Variants in TACC2 observed in about 807,000 individuals in gnomAD.
TACC2 encodes transforming acidic coiled-coil containing protein 2, also known as transforming acidic coiled-coil-containing protein 2.
Under a neutral mutation model 227.3 loss-of-function variants are expected in TACC2, and 137 were observed. The observed-to-expected ratio is 0.60, with a 90% confidence interval of 0.52 to 0.69. The LOEUF is 0.69. Ranked by LOEUF, TACC2 falls within the 30% of genes least tolerant of loss-of-function variation. The probability of loss-of-function intolerance (pLI) is 0.00; values close to 1 mark genes in which losing one functional copy is unlikely to be tolerated. For missense variants in TACC2, 3,470 were observed against 3,694.4 expected (o/e 0.94, Z 1.57); for synonymous variants, 1,523 against 1,487.5 (o/e 1.02, Z -0.55).
At chr10:122,143,762 G>T (rs1306437556) in intron 7 of TACC2, 56 bp downstream of exon 7, 4 of 1,584,150 alleles carry the variant, frequency 2.5e-6, no homozygotes, top group African/African-American at 1.3e-5. Flanking sequence ...GGGCCTGGTG[G>T]TCTCTGCCCC....
chr10:122,101,633 C>T (rs998268326), intron 5 of TACC2, among the ~76,000 whole-genome samples: 2 of 133,860 alleles, frequency 1.5e-5, no homozygotes, highest in Non-Finnish European at 3.2e-5. Flanking sequence ...GATCTCGGCT[C>T]ACTGCAAGCT....
rs1291367775 is a variant in TACC2, at chr10:122,087,941, A to ACC, written c.5441_5442insCC (p.Glu1814AspfsTer67). On this transcript the variant is annotated frameshift_variant, in exon 4 of 23. Transcript: ENST00000369005. LOFTEE classifies it high-confidence loss of function. ...CCGAAGCTGCAACATTTGGCTCCAG[A>ACC]AGAGCTCCACACTGACAGGTACTTA... The ACC allele has an allele frequency of 4.6e-6, 7 of 1,508,804 alleles. No homozygotes were observed. Among genetic ancestry groups the ACC allele is most frequent in the Admixed American group, 4.6e-5 (2 of 43,430 alleles). 93.5% of individuals were successfully genotyped at this position (1,508,804 alleles called of 1,614,324 possible).
chr10:122,054,252 TCAACCATCCAGAGTCTGGG>T (rs2076004310), intron 3 of TACC2, among the ~76,000 whole-genome samples: 1 of 152,244 alleles, frequency 6.6e-6, no homozygotes, highest in Non-Finnish European at 1.5e-5. Context: ...CCAGCGTAGT[TCAACCATCCAGAGTCTGGG>T]ACATGCCTCC....
At chr10:122,143,777 G>A in intron 7 of TACC2, 71 bp downstream of exon 7, 1 of 1,522,756 alleles carries the variant, frequency 6.6e-7, no homozygotes, top group Non-Finnish European at 8.9e-7. Context: ...TGCCCCCTAG[G>A]TCTTGGGGTG....
chr10:122,120,698 G>A (rs111773432), intron 5 of TACC2, among the ~76,000 whole-genome samples: 3 of 152,280 alleles, frequency 2.0e-5, no homozygotes, highest in Admixed American at 6.5e-5. Context: ...AGAGCCTGGC[G>A]CATGCTAGGT....
chr10:122,129,045 GATCT>G, intron 5 of TACC2, among the ~76,000 whole-genome samples: 1 of 138,052 alleles, frequency 7.2e-6, no homozygotes, highest in South Asian at 2.5e-4. Context: ...GATACATGAA[GATCT>G]ATCTTATTTT....
At chr10:122,091,378 T>G (rs1421818393) in intron 5 of TACC2, among the ~76,000 whole-genome samples, 3 of 152,222 alleles carry the variant, frequency 2.0e-5, no homozygotes, top group Admixed American at 2.0e-4. Context: ...ATTTCTTTTT[T>G]CTGTTTTTTC....
intron 7 of TACC2, among the ~76,000 whole-genome samples, chr10:122,158,728 A>T (rs1169609944): frequency 6.6e-6 from 1 of 152,248 alleles, no homozygotes; most frequent in Non-Finnish European, 1.5e-5. Context: ...GCTTGTACTT[A>T]AGCCCAAGAA....
intron 8 of TACC2, among the ~76,000 whole-genome samples, chr10:122,199,693 G>A (rs1415218840): frequency 1.3e-5 from 2 of 152,160 alleles, no homozygotes; most frequent in Non-Finnish European, 2.9e-5. Flanking sequence ...ACTGTCTTAG[G>A]TCTGATCACA....
chr10:122,101,549 AT>A (rs2082145241), intron 5 of TACC2, among the ~76,000 whole-genome samples: 1 of 103,816 alleles, frequency 9.6e-6, no homozygotes, highest in South Asian at 3.1e-4. Flanking sequence ...GCAAAACCCC[AT>A]CTTTTTTTTT....
At position 122,190,412 on chromosome 10, in the gene TACC2, A is replaced by G. The variant is rs113870528; in HGVS notation, c.5835-4628A>G. Among the ~76,000 whole-genome samples the G allele has an allele frequency of 3.4e-3, 523 of 152,208 alleles. 3 individuals are homozygous for G. The highest frequency in any genetic ancestry group is 0.012 in the African/African-American group (499 of 41,526). ...GACTGTGCTCTGTGGGACTCTAGAG[A>G]CCAAGAAAGTACTTGAAAAAACGTT... On this transcript the variant is annotated intron_variant, in intron 7 of 22. Transcript: ENST00000369005.
At chr10:122,151,605 C>T (rs2092045749) in intron 7 of TACC2, among the ~76,000 whole-genome samples, 1 of 152,032 alleles carries the variant, frequency 6.6e-6, no homozygotes, top group Non-Finnish European at 1.5e-5. Flanking sequence ...AACATGTCTT[C>T]TCTTTTCAAG....
intron 2 of TACC2, among the ~76,000 whole-genome samples, chr10:122,029,599 A>G (rs947906362): frequency 2.0e-5 from 3 of 152,196 alleles, no homozygotes; most frequent in African/African-American, 4.8e-5. Context: ...ACTAATTTCA[A>G]TTATTTTTAA....
chr10:122,032,670 A>G (rs188355848), intron 2 of TACC2, among the ~76,000 whole-genome samples: 5 of 152,190 alleles, frequency 3.3e-5, no homozygotes, highest in African/African-American at 9.6e-5. Context: ...CCTGGGAGTA[A>G]AAACCATGGC....
chr10:121,991,759 G>T (rs771473904), intron 1 of TACC2, among the ~76,000 whole-genome samples: 1 of 152,180 alleles, frequency 6.6e-6, no homozygotes, highest in Non-Finnish European at 1.5e-5. Context: ...ATATCTCAAA[G>T]CCATTTGCAT....
In TACC2 at chr10:122,092,022, C is replaced by T. The variant is rs146152585; in HGVS notation, c.5573+3431C>T. Reference sequence around the variant, plus strand: ...GAGATCCTTGATTCAAGCGCTGGAGCGTGCCCATTCTGGTGCCCAGTGGGT... The same window carrying T: ...GAGATCCTTGATTCAAGCGCTGGAGTGTGCCCATTCTGGTGCCCAGTGGGT... On this transcript the variant is annotated intron_variant, in intron 5 of 22. Coordinates refer to ENST00000369005, the MANE Select transcript of TACC2 (RefSeq NM_206862.4). Among the ~76,000 whole-genome samples the T allele has an allele frequency of 7.2e-3, 1,097 of 152,322 alleles. 17 individuals are homozygous for T. Among genetic ancestry groups the T allele is most frequent in the African/African-American group, 0.025 (1,038 of 41,570 alleles).
At position 122,086,591 on chromosome 10, in the gene TACC2, G is replaced by A. The variant is rs2080118351; in HGVS notation, c.4091G>A (p.Gly1364Asp). 1 of 1,598,480 alleles carries A rather than the reference G, an allele frequency of 6.3e-7. No individual in the cohort carries two copies. Among genetic ancestry groups the A allele is most frequent in the African/African-American group, 1.3e-5 (1 of 74,840 alleles). The change falls in exon 4 of 23, where the codon GGT becomes GAT. Residue 1364 changes from glycine (G) to aspartate (D), a missense_variant. By Grantham distance (94) the Gly-to-Asp change is moderately conservative. Transcript: ENST00000369005. ...AAGGCCAGTGGGGAGGGCATGGCAG[G>A]TGATGCAGCAGGAGAGACAGAGGGC... Reference protein sequence around the residue: ...GAKASGEGMAGDAAGETEGSM... With the variant: ...GAKASGEGMADDAAGETEGSM...
At chr10:122,151,657 C>T (rs190249092) in intron 7 of TACC2, among the ~76,000 whole-genome samples, 2 of 148,184 alleles carry the variant, frequency 1.3e-5, no homozygotes, top group East Asian at 2.0e-4. Flanking sequence ...GGAAATATCT[C>T]TGGTGGCGAG....
At chr10:122,249,027 TG>T in intron 20 of TACC2, 22 bp from the exon 21 acceptor site, 2 of 1,601,124 alleles carry the variant, frequency 1.2e-6, no homozygotes, top group South Asian at 2.2e-5. Flanking sequence ...GCTTGACGCC[TG>T]TCCTCTGCCC....
Sources: allele counts gnomAD v4.1 joint callset (sites outside exome capture counted in the v4.1 genomes callset), GRCh38; gene constraint gnomAD v4.1.1; transcripts MANE v1.5; gene names NCBI Gene and HGNC (gene_info 2026-07-23, HGNC 2026-07-21).